ADAM8: variants seen among roughly 807,000 people sequenced by gnomAD.
ADAM8 encodes disintegrin and metalloproteinase domain-containing protein 8.
In ADAM8, 104 loss-of-function variants were observed where a neutral mutation model predicts 102.4. The ratio of observed to expected loss-of-function variants is 1.02; its 90% CI spans 0.87 to 1.20. The LOEUF (loss-of-function observed/expected upper bound fraction) is 1.20. ADAM8 is among the 50% of genes most tolerant of loss of function. The probability of loss-of-function intolerance (pLI) is 0.00; values close to 1 mark genes in which losing one functional copy is unlikely to be tolerated. For missense variants in ADAM8, 1,132 were observed against 1,159.0 expected (o/e 0.98, Z 0.34); for synonymous variants, 517 against 485.2 (o/e 1.07, Z -0.86).
At chr10:133,272,650 T>G in intron 8 of ADAM8, 65 bp from the exon 9 acceptor site, 1 of 1,549,366 alleles carries the variant, frequency 6.5e-7, no homozygotes, top group South Asian at 1.2e-5. Flanking sequence ...GGAGGGTGGG[T>G]GGCGGAGGAT....
chr10:133,263,055 G>C lies in ADAM8; in HGVS notation c.*101C>G, dbSNP rs1846208701. The C allele has an allele frequency of 7.2e-7, 1 of 1,389,168 alleles. No individual in the cohort carries two copies. Among genetic ancestry groups the C allele is most frequent in the African/African-American group, 1.4e-5 (1 of 70,376 alleles). The allele number at this position is 1,389,168 out of a possible 1,614,324, so 86.1% of individuals were successfully genotyped here. ...AACAGCAGCTGAGCCTGCAAAGTCA[G>C]GGTCTAGGGCTGAGCGGCACTAGCT... On this transcript the variant is annotated 3_prime_UTR_variant, in exon 23 of 23. Transcript: ENST00000445355.
rs1846382314 is a variant in ADAM8 at position 133,268,011 on chromosome 10, T to C, written c.2171A>G (p.Gln724Arg). Residue 724 changes from glutamine to arginine, a missense_variant, in exon 20 of 23, where the codon CAA becomes CGA. Transcript: ENST00000445355. Reference protein sequence around the residue: ...GGAPAPSRGPQELVPTTHPGQ... With the variant: ...GGAPAPSRGPRELVPTTHPGQ... ...CGGGTGGGTGGTGGGGACCAGCTCT[T>C]GGGGGCCCCTGGATGGGGCTGGAGC... is the stretch of plus-strand genomic sequence containing the variant. 7.9e-7 allele frequency: 1 copy of C among 1,260,132 alleles called. No homozygotes were observed. Among genetic ancestry groups the C allele is most frequent in the Non-Finnish European group, 1.0e-6 (1 of 995,702 alleles). 78.1% of individuals were successfully genotyped at this position (1,260,132 alleles called of 1,614,324 possible).
Position 133,270,782 on chromosome 10 carries a change from A to C in ADAM8, c.1588T>G (p.Cys530Gly). 1 of 1,606,688 alleles carries C rather than the reference A, an allele frequency of 6.2e-7. No individual in the cohort carries two copies. The highest frequency in any genetic ancestry group is 8.5e-7 in the Non-Finnish European group (1 of 1,176,026). Residue 530 changes from cysteine to glycine, a missense_variant, in exon 15 of 23, where the codon TGC becomes GGC. Physicochemically the swap from Cys to Gly is radical, Grantham distance 159. Transcript: ENST00000445355. ...CCTGGTAGGATGTCATAGGAGAAGC[A>C]GGACTCCTCGGCAGCCTGCCCACCT... ...GPGGQAAEES[C>G]FSYDILPGCK...
chr10:133,270,252 T>C, intron 16 of ADAM8, 108 bp downstream of exon 16: 1 of 1,410,734 alleles, frequency 7.1e-7, no homozygotes, highest in East Asian at 2.4e-5. Context: ...GAGAACTCTG[T>C]TCCCATGGCC....
chr10:133,271,105 G>C, intron 13 of ADAM8, 35 bp from the exon 14 acceptor site: 1 of 1,597,516 alleles, frequency 6.3e-7, no homozygotes, highest in Non-Finnish European at 8.5e-7. Context: ...CATGGGGACA[G>C]GTCCACGCAA....
intron 21 of ADAM8, among the ~76,000 whole-genome samples, chr10:133,265,604 A>C (rs551562048): frequency 1.8e-4 from 28 of 152,248 alleles, no homozygotes; most frequent in African/African-American, 6.3e-4. Context: ...ATCTTGGCTA[A>C]CACAGTGAAA....
At chr10:133,267,833 G>A (rs1157564823) in intron 20 of ADAM8, 96 bp downstream of exon 20, 1 of 1,160,478 alleles carries the variant, frequency 8.6e-7, no homozygotes, top group Non-Finnish European at 1.1e-6. Context: ...TGAATTTAAT[G>A]AAAGGGCTCT....
chr10:133,263,600 C>T, intron 22 of ADAM8, 88 bp downstream of exon 22: 1 of 53,960 alleles, frequency 1.9e-5, no homozygotes, highest in Non-Finnish European at 2.9e-5. Flanking sequence ...AAACCCCACC[C>T]TCCAGGGCAG....
intron 8 of ADAM8, 64 bp downstream of exon 8, chr10:133,272,734 G>T: frequency 6.9e-7 from 1 of 1,453,034 alleles, no homozygotes. Context: ...TGAACCCTGT[G>T]GCAACACCCC....
chr10:133,269,182 G>A (rs1337935985), intron 18 of ADAM8: 2 of 985,304 alleles, frequency 2.0e-6, no homozygotes, highest in African/African-American at 3.5e-5. Flanking sequence ...GGGGCTGGAA[G>A]ACACAGGCTG....
intron 21 of ADAM8, among the ~76,000 whole-genome samples, chr10:133,265,797 C>CAA (rs112771721): frequency 2.2e-5 from 3 of 135,982 alleles, no homozygotes; most frequent in Non-Finnish European, 3.2e-5. Flanking sequence ...GACTCCATCT[C>CAA]AAAAAAAAAA....
rs565976491 is a variant in ADAM8 at position 133,269,242 on chromosome 10, C to T, written c.1948+203G>A. 1.3e-5 allele frequency: 12 copies of T among 949,880 alleles called. No homozygotes were observed. The African/African-American group carries it at 1.9e-4, about 15-fold the overall frequency. The allele number at this position is 949,880 out of a possible 1,614,324, so 58.8% of individuals were successfully genotyped here. The stretch of plus-strand genomic sequence containing the variant: ...GCCGTGCCCTGCCCTCGGCCACTGC[C>T]TCCCTCTGGGACAGGGCTCTCCCCT... On this transcript the variant is annotated intron_variant, in intron 18 of 22. Transcript: ENST00000445355.
At chr10:133,273,670 G>A (rs1002147972) in intron 5 of ADAM8, 92 bp downstream of exon 5, 5 of 1,415,598 alleles carry the variant, frequency 3.5e-6, no homozygotes, top group Non-Finnish European at 3.8e-6. Context: ...GGAGGAGGAG[G>A]CACCCTCCCT....
chr10:133,275,137 C>T (rs530400008), intron 2 of ADAM8: 2 of 351,640 alleles, frequency 5.7e-6, no homozygotes, highest in South Asian at 3.0e-5. Context: ...AGGCCCCCCC[C>T]CCAACACAGG....
chr10:133,267,986 C>T lies in ADAM8; in HGVS notation c.2196G>A (p.Pro732=), dbSNP rs538291630. The stretch of plus-strand genomic sequence containing the variant: ...AGGCCGGGTGTCGGGCGGGCTGGCC[C>T]GGGTGGGTGGTGGGGACCAGCTCTT... ...GPQELVPTTH[P]GQPARHPASS... Residue 732 remains proline, a synonymous_variant, in exon 20 of 23, where the codon CCG becomes CCA. Transcript: ENST00000445355. The T allele has an allele frequency of 9.1e-5, 115 of 1,260,562 alleles. No homozygotes were observed. Among genetic ancestry groups the T allele is most frequent in the African/African-American group, 1.7e-4 (11 of 65,062 alleles). The allele number at this position is 1,260,562 out of a possible 1,614,324, so 78.1% of individuals were successfully genotyped here. A position where few individuals can be genotyped will look rare whatever the true frequency, so the allele number is the denominator to read the frequency against.
At chr10:133,272,916 C>G (rs368282327) in intron 7 of ADAM8, 41 bp downstream of exon 7, 1 of 1,611,944 alleles carries the variant, frequency 6.2e-7, no homozygotes, top group Non-Finnish European at 8.5e-7. Flanking sequence ...CCCATGCCCC[C>G]GCCGCCGGCT....
intron 2 of ADAM8, among the ~76,000 whole-genome samples, chr10:133,275,241 G>A (rs1846707738): frequency 6.6e-6 from 1 of 152,204 alleles, no homozygotes; most frequent in African/African-American, 2.4e-5. Flanking sequence ...GGGGCCCGGG[G>A]CCAGCACAAC....
chr10:133,266,095 A>G (rs145672822), intron 21 of ADAM8, among the ~76,000 whole-genome samples: 1 of 152,224 alleles, frequency 6.6e-6, no homozygotes, highest in African/African-American at 2.4e-5. Context: ...CCCCGCCAAC[A>G]GTGCAGGGCC....
chr10:133,271,644 G>C lies in ADAM8; in HGVS notation c.1168C>G (p.Arg390Gly), dbSNP rs1454100606. 4 of 1,556,750 alleles carry C rather than the reference G, an allele frequency of 2.6e-6. No individual in the cohort carries two copies. Among genetic ancestry groups the C allele is most frequent in the Middle Eastern group, 3.3e-4 (2 of 5,988 alleles). ...TTGGCGAGGCACACCGACTGCGGCCGCTCCAAAAAGCTCTCCAGGTAGGCC... is the reference window on the plus strand; with the variant it reads ...TTGGCGAGGCACACCGACTGCGGCCCCTCCAAAAAGCTCTCCAGGTAGGCC... Reference protein sequence around the residue: ...SQAYLESFLERPQSVCLANAP... With the variant: ...SQAYLESFLEGPQSVCLANAP... The change falls in exon 12 of 23, where the codon CGG (arginine) becomes GGG (glycine). Residue 390 changes from arginine to glycine, a missense_variant. Coordinates refer to ENST00000445355, the MANE Select transcript of ADAM8 (RefSeq NM_001109.5).
Sources: gnomAD v4.1 joint callset for allele counts (sites outside exome capture counted in the v4.1 genomes callset) on GRCh38, gnomAD v4.1.1 for gene constraint, MANE v1.5 for transcripts, NCBI Gene and HGNC (gene_info 2026-07-23, HGNC 2026-07-21) for gene names.